SPECC1L: variants seen among roughly 807,000 people sequenced by gnomAD.
The protein encoded by SPECC1L is cytospin-A.
Under a neutral mutation model 116.8 loss-of-function variants are expected in SPECC1L, and 40 were observed. That is an observed-to-expected ratio of 0.34 (90% confidence interval 0.27 to 0.45). The LOEUF (loss-of-function observed/expected upper bound fraction) is 0.45. Ranked by LOEUF, SPECC1L falls within the 20% of genes least tolerant of loss-of-function variation. The pLI is 1.00. For missense variants in SPECC1L, 1,110 were observed against 1,373.6 expected (o/e 0.81, Z 3.03); for synonymous variants, 504 against 500.6 (o/e 1.01, Z -0.09).
chr22:24,347,999 G>C (rs539861800), intron 11 of SPECC1L, among the ~76,000 whole-genome samples: 2 of 152,060 alleles, frequency 1.3e-5, no homozygotes, highest in African/African-American at 2.4e-5. Flanking sequence ...TTTTATGGTA[G>C]GGCTGGCACC....
intron 14 of SPECC1L, among the ~76,000 whole-genome samples, chr22:24,374,383 G>A (rs188240093): frequency 7.9e-5 from 12 of 152,040 alleles, no homozygotes; most frequent in African/African-American, 2.9e-4. Flanking sequence ...AAATGCCCAA[G>A]AATGATAGAC....
At chr22:24,364,391 G>A (rs1042025507) in intron 12 of SPECC1L, among the ~76,000 whole-genome samples, 2 of 151,536 alleles carry the variant, frequency 1.3e-5, no homozygotes, top group Non-Finnish European at 1.5e-5. Flanking sequence ...GGCCAGTTGC[G>A]GTGGCTCATG....
chr22:24,344,343 T>G (rs1246613148), intron 10 of SPECC1L, among the ~76,000 whole-genome samples: 1 of 145,372 alleles, frequency 6.9e-6, no homozygotes, highest in Non-Finnish European at 1.5e-5. Context: ...GAAAAAAAAT[T>G]AAAAAAAAAA....
chr22:24,409,316 G>A (rs2042648511), intron 14 of SPECC1L, among the ~76,000 whole-genome samples: 1 of 152,154 alleles, frequency 6.6e-6, no homozygotes, highest in Non-Finnish European at 1.5e-5. Flanking sequence ...TGCAGTTGAA[G>A]GTGGCGTGAA....
chr22:24,343,583 C>G (rs975459742), intron 10 of SPECC1L: 3 of 385,420 alleles, frequency 7.8e-6, no homozygotes, highest in Middle Eastern at 8.9e-4. Flanking sequence ...GCCTCAGCCC[C>G]CTGAGTAGCT....
rs143311135 is a variant in SPECC1L, at chr22:24,390,702, A to G, written c.3088-20886A>G. Among the ~76,000 whole-genome samples the G allele has an allele frequency of 7.4e-3, 1,122 of 152,044 alleles. 6 individuals carry two copies. The highest frequency in any genetic ancestry group is 0.013 in the South Asian group (61 of 4,816). On this transcript the variant is annotated intron_variant, in intron 14 of 16. Coordinates refer to ENST00000314328, the MANE Select transcript of SPECC1L (RefSeq NM_015330.6). Reference sequence around the variant, plus strand: ...CATAAGTTCTCCACAGTGAAGCAATAAAAACTCCTGGAGTCTAATCATTTT... The same window carrying G: ...CATAAGTTCTCCACAGTGAAGCAATGAAAACTCCTGGAGTCTAATCATTTT...
At chr22:24,293,401 C>T (rs537339770) in intron 2 of SPECC1L, among the ~76,000 whole-genome samples, 12 of 152,144 alleles carry the variant, frequency 7.9e-5, no homozygotes, top group Admixed American at 2.0e-4. Flanking sequence ...TGCAGTGAGC[C>T]GAGGTCGTGC....
At chr22:24,355,655 A>G (rs143874460) in intron 11 of SPECC1L, among the ~76,000 whole-genome samples, 5 of 152,176 alleles carry the variant, frequency 3.3e-5, no homozygotes, top group African/African-American at 9.6e-5. Context: ...TATCTACAAT[A>G]TATTTATGTA....
chr22:24,318,894 C>T (rs2040660857), intron 4 of SPECC1L, among the ~76,000 whole-genome samples: 1 of 151,172 alleles, frequency 6.6e-6, no homozygotes. Context: ...CACAACTGCA[C>T]TCTAGCCTGG....
At chr22:24,345,622 G>A (rs753534581) in intron 10 of SPECC1L, among the ~76,000 whole-genome samples, 4 of 151,096 alleles carry the variant, frequency 2.6e-5, no homozygotes, top group African/African-American at 7.4e-5. Context: ...GATCCTTCCA[G>A]GAGAAGAATA....
chr22:24,318,688 G>A (rs2040655316), intron 4 of SPECC1L, among the ~76,000 whole-genome samples: 1 of 152,204 alleles, frequency 6.6e-6, no homozygotes, highest in Admixed American at 6.5e-5. Context: ...AGGAGGCCAA[G>A]GTGGGCAGAT....
intron 14 of SPECC1L, among the ~76,000 whole-genome samples, chr22:24,378,276 A>G (rs757836883): frequency 6.6e-6 from 1 of 152,222 alleles, no homozygotes. Context: ...CAATCTCAGC[A>G]TTTATAGAAT....
chr22:24,367,389 C>T (rs539496384), intron 13 of SPECC1L, among the ~76,000 whole-genome samples: 1 of 152,126 alleles, frequency 6.6e-6, no homozygotes, highest in African/African-American at 2.4e-5. Flanking sequence ...TGCGGCCCAA[C>T]ACAAATTTGT....
intron 3 of SPECC1L, among the ~76,000 whole-genome samples, chr22:24,308,498 A>G (rs543720216): frequency 3.5e-4 from 54 of 152,332 alleles, no homozygotes; most frequent in Non-Finnish European, 6.8e-4. Context: ...GGAATACCAC[A>G]GAAGTGTATG....
At chr22:24,345,071 T>C (rs1164420010) in intron 10 of SPECC1L, among the ~76,000 whole-genome samples, 2 of 152,088 alleles carry the variant, frequency 1.3e-5, no homozygotes, top group East Asian at 1.9e-4. Flanking sequence ...TTCAAAACAT[T>C]GTTGTGGTCG....
At chr22:24,396,882 A>G (rs1252816332) in intron 14 of SPECC1L, among the ~76,000 whole-genome samples, 1 of 152,142 alleles carries the variant, frequency 6.6e-6, no homozygotes, top group Non-Finnish European at 1.5e-5. Flanking sequence ...TCGTATGTAA[A>G]ACAAAACCCA....
At chr22:24,374,565 A>G (rs1311589647) in intron 14 of SPECC1L, among the ~76,000 whole-genome samples, 4 of 143,924 alleles carry the variant, frequency 2.8e-5, no homozygotes, top group African/African-American at 1.0e-4. Flanking sequence ...ATAGGTGGGA[A>G]TTGAACAATG....
At chr22:24,338,711 C>T (rs2041112018) in intron 10 of SPECC1L, among the ~76,000 whole-genome samples, 1 of 152,194 alleles carries the variant, frequency 6.6e-6, no homozygotes. Flanking sequence ...CAGTTGAACA[C>T]TTGCTATGTG....
chr22:24,366,428 C>T (rs1272250109), intron 13 of SPECC1L, among the ~76,000 whole-genome samples: 1 of 151,972 alleles, frequency 6.6e-6, no homozygotes, highest in African/African-American at 2.4e-5. Context: ...CTCCTGACCT[C>T]GTGATCCACC....
Sources: allele counts gnomAD v4.1 joint callset (sites outside exome capture counted in the v4.1 genomes callset), GRCh38; gene constraint gnomAD v4.1.1; transcripts MANE v1.5; gene names NCBI Gene and HGNC (gene_info 2026-07-23, HGNC 2026-07-21).